Variants in GDPD3 observed in about 807,000 individuals in gnomAD.
The protein encoded by GDPD3 is lysophospholipase D GDPD3.
Under a neutral mutation model 43.7 loss-of-function variants are expected in GDPD3, and 40 were observed. That is an observed-to-expected ratio of 0.91 (90% CI 0.71 to 1.19). The LOEUF (loss-of-function observed/expected upper bound fraction) is 1.19. Ranked by LOEUF, GDPD3 falls within the 50% of genes most tolerant of loss-of-function variation. The pLI, the probability that GDPD3 is intolerant of heterozygous loss-of-function variation, is 0.00. For missense variants in GDPD3, 363 were observed against 415.8 expected, an observed-to-expected ratio of 0.87 and a Z score of 1.11; for synonymous variants, 145 against 162.9, an observed-to-expected ratio of 0.89 and a Z score of 0.84.
At chr16:30,109,709 G>A (rs1348965406) in intron 7 of GDPD3, among the ~76,000 whole-genome samples, 1 of 152,120 alleles carries the variant, frequency 6.6e-6, no homozygotes, top group African/African-American at 2.4e-5. Flanking sequence ...GGAGGCTGAA[G>A]CAGGAGAATC....
chr16:30,108,451 G>T lies in GDPD3; in HGVS notation c.708-19C>A, dbSNP rs61764622. The T allele has an allele frequency of 2.5e-6, 4 of 1,613,156 alleles. No individual in the cohort carries two copies. Among genetic ancestry groups the T allele is most frequent in the South Asian group, 2.2e-5 (2 of 91,068 alleles). On this transcript the variant is annotated intron_variant, in intron 7 of 9. Coordinates refer to ENST00000406256, the MANE Select transcript of GDPD3 (RefSeq NM_024307.3). ...ATAGGTCCTGCAGAGAGAAGGAAGT[G>T]GGGGTTAGCTCCTAGGGTCTCCCCT...
At position 30,112,602 on chromosome 16, in the gene GDPD3, C is replaced by T. The variant is rs1444520462; in HGVS notation, c.319-34G>A. Reference sequence around the variant, plus strand: ...GACAGGAAGGATGTCACTAGAGGCCCGCATTGGGCATGGTGACTCTCAGGG... The same window carrying T: ...GACAGGAAGGATGTCACTAGAGGCCTGCATTGGGCATGGTGACTCTCAGGG... On this transcript the variant is annotated intron_variant, in intron 3 of 9. Coordinates refer to ENST00000406256, the MANE Select transcript of GDPD3 (RefSeq NM_024307.3). The surrounding 1 kb of genome is among the most constrained non-coding windows in gnomAD (Gnocchi z 5.4). 14 of 1,613,814 alleles carry T rather than the reference C, an allele frequency of 8.7e-6. No individual in the cohort carries two copies. Among genetic ancestry groups the T allele is most frequent in the South Asian group, 3.3e-5 (3 of 91,076 alleles).
chr16:30,112,634 T>C lies in GDPD3; in HGVS notation c.318+24A>G. On this transcript the variant is annotated intron_variant, in intron 3 of 9. Transcript: ENST00000406256. This position sits in a 1 kb window ranked among gnomAD's most constrained non-coding sequence, Gnocchi z 5.4. ...GGCATGGTGACTCTCAGGGTGGGGG[T>C]TGGGGTGTCAGGGCAGGGCCCACCT... is the stretch of plus-strand genomic sequence containing the variant. 6.2e-7 allele frequency: 1 copy of C among 1,612,714 alleles called. No individual in the cohort carries two copies. Among genetic ancestry groups the C allele is most frequent in the Non-Finnish European group, 8.5e-7 (1 of 1,179,550 alleles).
chr16:30,108,164 ACCCTG>A, intron 9 of GDPD3, 44 bp downstream of exon 9: 1 of 1,515,254 alleles, frequency 6.6e-7, no homozygotes, highest in Middle Eastern at 2.3e-4. Flanking sequence ...TGGGACCGGA[ACCCTG>A]CTGCCAGGTC....
intron 7 of GDPD3, among the ~76,000 whole-genome samples, chr16:30,109,280 G>A (rs764949941): frequency 2.6e-5 from 4 of 152,302 alleles, no homozygotes; most frequent in South Asian, 2.1e-4. Context: ...ACCTGTAATC[G>A]CAGCACTTTG....
In GDPD3 at chr16:30,112,490, G is replaced by A. The variant is rs2072909452; in HGVS notation, c.364+33C>T. ...GCGGAGGTCCAAGGAAGGCAGGCAT[G>A]GCCCAGGCAGGGCTCGAAGCCCTTG... is the stretch of plus-strand genomic sequence containing the variant. On this transcript the variant is annotated intron_variant, in intron 4 of 9. Transcript: ENST00000406256. This position sits in a 1 kb window ranked among gnomAD's most constrained non-coding sequence, Gnocchi z 5.4. The A allele has an allele frequency of 2.5e-6, 4 of 1,614,020 alleles. No individual in the cohort carries two copies. Among genetic ancestry groups the A allele is most frequent in the Non-Finnish European group, 3.4e-6 (4 of 1,179,878 alleles).
At chr16:30,108,157 G>C (rs1333503085) in intron 9 of GDPD3, 56 bp downstream of exon 9, 1 of 1,471,294 alleles carries the variant, frequency 6.8e-7, no homozygotes, top group African/African-American at 1.4e-5. Flanking sequence ...AGCAGAGTGG[G>C]ACCGGAACCC....
At chr16:30,108,977 G>T (rs534466769) in intron 7 of GDPD3, among the ~76,000 whole-genome samples, 3 of 151,548 alleles carry the variant, frequency 2.0e-5, no homozygotes, top group African/African-American at 7.3e-5. Context: ...GACTACAGGT[G>T]CCCGCCACCA....
At position 30,112,289 on chromosome 16, in the gene GDPD3, C is replaced by T. The variant is rs959443375; in HGVS notation, c.483+17G>A. 2.5e-5 allele frequency: 40 copies of T among 1,613,620 alleles called. No individual in the cohort carries two copies. The East Asian group carries it at 4.5e-4, about 18-fold the overall frequency. On this transcript the variant is annotated intron_variant, in intron 5 of 9. Transcript: ENST00000406256. This position sits in a 1 kb window ranked among gnomAD's most constrained non-coding sequence, Gnocchi z 5.4. Reference sequence around the variant, plus strand: ...TCACGCCCCCGGTGGCCGCCCTAGCCCTGCCTGCAGCACCACCTCACGGAT... The same window carrying T: ...TCACGCCCCCGGTGGCCGCCCTAGCTCTGCCTGCAGCACCACCTCACGGAT...
chr16:30,111,261 C>G (rs2072896529), intron 7 of GDPD3, 127 bp downstream of exon 7: 1 of 1,040,426 alleles, frequency 9.6e-7, no homozygotes, highest in Non-Finnish European at 1.4e-6. Context: ...GGGTAAGAAC[C>G]ACTGTCCTTA....
chr16:30,108,161 G>A (rs751560459), intron 9 of GDPD3, 52 bp downstream of exon 9: 20 of 1,497,936 alleles, frequency 1.3e-5, no homozygotes, highest in Non-Finnish European at 1.7e-5. Flanking sequence ...GAGTGGGACC[G>A]GAACCCTGCT....
rs750822886 is a variant in GDPD3 at position 30,113,006 on chromosome 16, G to C, written c.182+16C>G. 4 of 1,611,460 alleles carry C rather than the reference G, an allele frequency of 2.5e-6. No homozygotes were observed. The highest frequency in any genetic ancestry group is 3.4e-6 in the Non-Finnish European group (4 of 1,178,066). ...CACCCTCACATGGCAGCCTGGGCAG[G>C]GGCAGATACACTCACTTCTCCATGG... On this transcript the variant is annotated intron_variant, in intron 2 of 9. Coordinates refer to ENST00000406256, the MANE Select transcript of GDPD3 (RefSeq NM_024307.3). The surrounding 1 kb of genome is among the most constrained non-coding windows in gnomAD (Gnocchi z 5.9).
At chr16:30,108,528 GCCCT>G in intron 7 of GDPD3, 96 bp from the exon 8 acceptor site, 2 of 1,068,742 alleles carry the variant, frequency 1.9e-6, no homozygotes, top group Non-Finnish European at 2.9e-6. Context: ...GGGTAGCGCT[GCCCT>G]CCCACCCCCC....
At chr16:30,106,955 G>A (rs1470923997) in intron 9 of GDPD3, among the ~76,000 whole-genome samples, 1 of 151,950 alleles carries the variant, frequency 6.6e-6, no homozygotes, top group African/African-American at 2.4e-5. Context: ...TTGATCCGCT[G>A]GCCTTGGCCT....
At chr16:30,109,516 A>G (rs1005608549) in intron 7 of GDPD3, among the ~76,000 whole-genome samples, 2 of 151,854 alleles carry the variant, frequency 1.3e-5, no homozygotes, top group African/African-American at 2.4e-5. Flanking sequence ...CTCAAAAACA[A>G]AAAACAATGG....
In GDPD3 at chr16:30,105,007, C is replaced by T; in HGVS notation, c.822G>A (p.Val274=). 6.2e-7 allele frequency: 1 copy of T among 1,605,676 alleles called. No homozygotes were observed. Among genetic ancestry groups the T allele is most frequent in the South Asian group, 1.1e-5 (1 of 89,842 alleles). The change falls in exon 10 of 10, where the codon GTG becomes GTA. Residue 274 remains valine (V), a splice_region_variant and synonymous_variant. Coordinates refer to ENST00000406256, the MANE Select transcript of GDPD3 (RefSeq NM_024307.3). ...IRHLEERGVQ[V]VFWCLNEESD... is the part of the protein sequence containing the mutation. ...ACTCTTCATTAAGGCACCAAAAGAC[C>T]ACCTGAGCAGGGAGGGAGGGGGCCT...
intron 7 of GDPD3, among the ~76,000 whole-genome samples, chr16:30,108,808 C>CTAT (rs1446825334): frequency 6.6e-6 from 1 of 151,866 alleles, no homozygotes; most frequent in African/African-American, 2.4e-5. Context: ...TCTTATTTAT[C>CTAT]TATTTATCTT....
Position 30,104,868 on chromosome 16 carries a change from G to C in GDPD3, c.*4C>G, listed in dbSNP as rs1567349206. ...AGAAACAGGAGACCTCGAGGCTTCT[G>C]GACTTAGGAGGTCCGGGCAGCTGGT... On this transcript the variant is annotated 3_prime_UTR_variant, in exon 10 of 10. Coordinates refer to ENST00000406256, the MANE Select transcript of GDPD3 (RefSeq NM_024307.3). The C allele has an allele frequency of 6.2e-7, 1 of 1,612,266 alleles. No homozygotes were observed. The highest frequency in any genetic ancestry group is 8.5e-7 in the Non-Finnish European group (1 of 1,179,874).
chr16:30,106,925 T>A (rs959602851), intron 9 of GDPD3, among the ~76,000 whole-genome samples: 1 of 152,192 alleles, frequency 6.6e-6, no homozygotes, highest in Non-Finnish European at 1.5e-5. Flanking sequence ...GCCAGGCTGG[T>A]CTCGAACTCC....
Sources: allele counts gnomAD v4.1 joint callset (sites outside exome capture counted in the v4.1 genomes callset), GRCh38; gene constraint gnomAD v4.1.1; non-coding constraint Gnocchi (gnomAD v3.1); transcripts MANE v1.5; gene names NCBI Gene and HGNC (gene_info 2026-07-23, HGNC 2026-07-21).